ANKRD26: variants seen among roughly 807,000 people sequenced by gnomAD.
ANKRD26 encodes the protein ankyrin repeat domain 26.
A neutral mutation model predicts 208.7 loss-of-function variants in ANKRD26; 141 were observed. That is an observed-to-expected ratio of 0.68 (90% confidence interval 0.59 to 0.78). The LOEUF is 0.78. Among genes scored for constraint, ANKRD26 ranks in the 30% least tolerant of loss-of-function variants. The pLI is 0.00. For missense variants in ANKRD26, 1,889 were observed against 1,938.7 expected (o/e 0.97, Z 0.48); for synonymous variants, 636 against 660.4 (o/e 0.96, Z 0.57).
chr10:27,078,324 G>A (rs2055773965), intron 7 of ANKRD26, among the ~76,000 whole-genome samples: 1 of 152,092 alleles, frequency 6.6e-6, no homozygotes, highest in African/African-American at 2.4e-5. Context: ...ATAGAAAGCT[G>A]CACCTAAATA....
the ANKRD26 span, among the ~76,000 whole-genome samples, chr10:26,952,856 A>C: frequency 6.6e-6 from 1 of 152,220 alleles, no homozygotes; most frequent in Admixed American, 6.5e-5. Context: ...TATGCTGGTA[A>C]CTGCTAAAGA....
the ANKRD26 span, among the ~76,000 whole-genome samples, chr10:26,950,454 G>C: frequency 1.6e-5 from 2 of 121,776 alleles, no homozygotes; most frequent in East Asian, 2.2e-4. Flanking sequence ...TCATGTTGAG[G>C]TGTAATCCCC....
At position 27,093,471 on chromosome 10, in the gene ANKRD26, C is replaced by A. The variant is rs769941892; in HGVS notation, c.409G>T (p.Ala137Ser). The change falls in exon 3 of 34, where the codon GCT becomes TCT. Residue 137 changes from alanine to serine, a missense_variant. By Grantham distance (99) the Ala-to-Ser change is moderately conservative (BLOSUM62 1). Transcript: ENST00000376087. ...KCATILLEHG[A>S]DPNLADVHGN... ...TGGACATCCGCAAGATTTGGATCAG[C>A]ACCATGTTCTAGCAGAATAGTTGCA... 2 of 1,614,184 alleles carry A rather than the reference C, an allele frequency of 1.2e-6. No homozygotes were observed. Among genetic ancestry groups the A allele is most frequent in the Admixed American group, 1.7e-5 (1 of 60,018 alleles).
At chr10:27,027,988 T>C (rs1429577494) in intron 27 of ANKRD26, among the ~76,000 whole-genome samples, 1 of 152,250 alleles carries the variant, frequency 6.6e-6, no homozygotes, top group Non-Finnish European at 1.5e-5. Context: ...TTGTGTTAGA[T>C]GATTTTGTCC....
intron 4 of ANKRD26, among the ~76,000 whole-genome samples, chr10:26,997,978 T>C (rs181816454): frequency 2.6e-3 from 395 of 152,326 alleles, no homozygotes; most frequent in African/African-American, 9.2e-3. Flanking sequence ...CCGGACTTCA[T>C]AGCCCCCACG....
intron 4 of ANKRD26, among the ~76,000 whole-genome samples, chr10:27,089,827 T>C (rs993846194): frequency 6.6e-6 from 1 of 152,138 alleles, no homozygotes; most frequent in African/African-American, 2.4e-5. Flanking sequence ...CTACATGCAT[T>C]GCTGCTTCTA....
chr10:26,985,374 T>A (rs531899926), intron 3 of ANKRD26, among the ~76,000 whole-genome samples: 1 of 152,184 alleles, frequency 6.6e-6, no homozygotes, highest in Non-Finnish European at 1.5e-5. Flanking sequence ...AAGAGGCATC[T>A]GACATCCCAT....
intron 32 of ANKRD26, among the ~76,000 whole-genome samples, chr10:27,012,194 A>G (rs2053136107): frequency 6.6e-6 from 1 of 152,208 alleles, no homozygotes; most frequent in Non-Finnish European, 1.5e-5. Flanking sequence ...TCAAAGTGCT[A>G]TCAACCACAG....
Position 27,035,594 on chromosome 10 carries a change from C to G in ANKRD26, c.2856G>C (p.Lys952Asn), listed in dbSNP as rs749775306. Residue 952 changes from lysine to asparagine, a missense_variant, in exon 24 of 34, where the codon AAG becomes AAC. Transcript: ENST00000376087. ...TTATAGTCTTCTGAAGGTCTTCATT[C>G]TTTTCTTTTACAATTTTAAGGTCCT... Reference protein sequence around the residue: ...CFEDLKIVKEKNEDLQKTIKQ... With the variant: ...CFEDLKIVKENNEDLQKTIKQ... The G allele has an allele frequency of 5.0e-6, 8 of 1,606,636 alleles. No homozygotes were observed. Among genetic ancestry groups the G allele is most frequent in the South Asian group, 3.4e-5 (3 of 88,548 alleles).
rs1275450082 is a variant in ANKRD26 at position 27,084,218 on chromosome 10, CA to C, written c.710-1386del. Among the ~76,000 whole-genome samples, 441 of 82,442 alleles carry C rather than the reference CA, an allele frequency of 5.3e-3. 1 individual carries two copies. The highest frequency in any genetic ancestry group is 0.018 in the Middle Eastern group (2 of 112). The allele number at this position is 82,442 out of a possible 152,430, so 54.1% of individuals were successfully genotyped here. ...GGGCAACAAGAGCAAAACTACATCT[CA>C]AAAAAAAAAAAAAAAAGAAAAAAGA... On this transcript the variant is annotated intron_variant, in intron 5 of 33. Transcript: ENST00000376087.
At chr10:27,059,428 T>C (rs1036776755) in intron 15 of ANKRD26, among the ~76,000 whole-genome samples, 9 of 152,158 alleles carry the variant, frequency 5.9e-5, no homozygotes, top group African/African-American at 1.9e-4. Flanking sequence ...GTAAACAAAT[T>C]CTATGTATTA....
the ANKRD26 span, among the ~76,000 whole-genome samples, chr10:26,963,630 G>A: frequency 6.6e-6 from 1 of 152,074 alleles, no homozygotes; most frequent in African/African-American, 2.4e-5. Flanking sequence ...CAGGGGATTG[G>A]TTCCAGGAAT....
chr10:26,953,969 G>A, the ANKRD26 span, among the ~76,000 whole-genome samples: 3 of 152,208 alleles, frequency 2.0e-5, no homozygotes, highest in Non-Finnish European at 4.4e-5. Flanking sequence ...AAGGGAGATT[G>A]AGTCAATCAT....
In ANKRD26 at chr10:27,013,115, G is replaced by A. The variant is rs772876232; in HGVS notation, c.4725-5C>T. 1 of 1,609,086 alleles carries A rather than the reference G, an allele frequency of 6.2e-7. No individual in the cohort carries two copies. Among genetic ancestry groups the A allele is most frequent in the South Asian group, 1.1e-5 (1 of 90,946 alleles). On this transcript the variant is annotated splice_polypyrimidine_tract_variant and splice_region_variant and intron_variant, in intron 31 of 33. Coordinates refer to ENST00000376087, the MANE Select transcript of ANKRD26 (RefSeq NM_014915.3). ...TCTGCTAGCCTCTCATTAGTTCTGT[G>A]AAGATTGCAGAAGACACATGCTTAG... is the stretch of plus-strand genomic sequence containing the variant.
At position 27,005,727 on chromosome 10, in the gene ANKRD26, G is replaced by C; in HGVS notation, c.5000-4C>G. The C allele has an allele frequency of 6.2e-7, 1 of 1,604,320 alleles. No individual in the cohort carries two copies. On this transcript the variant is annotated splice_region_variant and splice_polypyrimidine_tract_variant and intron_variant, in intron 33 of 33. Coordinates refer to ENST00000376087, the MANE Select transcript of ANKRD26 (RefSeq NM_014915.3). ...CCAGATTCCAATTCAGCAGCAGCTA[G>C]AATGAAAAAGAAAGAATTATATTCC...
intron 11 of ANKRD26, 54 bp from the exon 12 acceptor site, chr10:27,064,135 C>T: frequency 2.4e-6 from 3 of 1,253,908 alleles, no homozygotes; most frequent in Non-Finnish European, 2.3e-6. Context: ...GAATGAATTG[C>T]TAAAGATTTT....
the ANKRD26 span, among the ~76,000 whole-genome samples, chr10:26,968,024 A>G: frequency 6.6e-6 from 1 of 152,086 alleles, no homozygotes; most frequent in Non-Finnish European, 1.5e-5. Flanking sequence ...TAGAAATCCA[A>G]TCATGATCTC....
intron 30 of ANKRD26, among the ~76,000 whole-genome samples, chr10:27,016,765 T>C (rs2053307646): frequency 6.6e-6 from 1 of 152,148 alleles, no homozygotes; most frequent in African/African-American, 2.4e-5. Flanking sequence ...GTTTAATTAT[T>C]TGTAAATTAT....
downstream of ANKRD26, among the ~76,000 whole-genome samples, chr10:26,991,387 T>C (rs1419907738): frequency 2.0e-5 from 3 of 152,120 alleles, no homozygotes; most frequent in African/African-American, 7.2e-5. Flanking sequence ...CCAAAGATGA[T>C]TTTGAGGGCT....
Sources: allele counts gnomAD v4.1 joint callset (sites outside exome capture counted in the v4.1 genomes callset), GRCh38; gene constraint gnomAD v4.1.1; transcripts MANE v1.5; gene names NCBI Gene and HGNC (gene_info 2026-07-23, HGNC 2026-07-21).